Variants in WDR72 observed in about 807,000 individuals in gnomAD.
WDR72 encodes the protein WD repeat domain 72.
Under a neutral mutation model 124.2 loss-of-function variants are expected in WDR72, and 120 were observed. The ratio of observed to expected loss-of-function variants is 0.97; its 90% CI spans 0.83 to 1.12. The LOEUF (loss-of-function observed/expected upper bound fraction) is 1.12. Among genes scored for constraint, WDR72 ranks in the 50% most tolerant of loss-of-function variants. The pLI is 0.00. For synonymous variants in WDR72, 452 were observed against 441.7 expected, an observed-to-expected ratio of 1.02 and a Z score of -0.29; for missense variants, 1,387 against 1,278.8, an observed-to-expected ratio of 1.08 and a Z score of -1.29.
intron 7 of WDR72, 86 bp downstream of exon 7, chr15:53,712,686 T>C (rs1244537686): frequency 7.9e-7 from 1 of 1,273,302 alleles, no homozygotes; most frequent in African/African-American, 1.5e-5. Flanking sequence ...ATTTGTATCA[T>C]ATTTAAATCA....
chr15:53,614,811 T>A (rs916733301), intron 15 of WDR72, among the ~76,000 whole-genome samples: 1 of 151,978 alleles, frequency 6.6e-6, no homozygotes, highest in Non-Finnish European at 1.5e-5. Flanking sequence ...AAAAGCAAAG[T>A]GACTAGCCCA....
intron 2 of WDR72, among the ~76,000 whole-genome samples, chr15:53,731,968 ATACACT>A (rs2018215906): frequency 6.6e-6 from 1 of 152,240 alleles, no homozygotes; most frequent in African/African-American, 2.4e-5. Flanking sequence ...CCAGAAAATA[ATACACT>A]TAAACATTAA....
chr15:53,636,775 A>C (rs1566996561), intron 14 of WDR72, among the ~76,000 whole-genome samples: 1 of 152,238 alleles, frequency 6.6e-6, no homozygotes, highest in African/African-American at 2.4e-5. Context: ...ACTTGTCCAC[A>C]ATCACACAGG....
chr15:53,615,973 G>A lies in WDR72; in HGVS notation c.2233C>T (p.Pro745Ser), dbSNP rs949285279. Residue 745 changes from proline to serine, a missense_variant, in exon 15 of 20, where the codon CCT becomes TCT. Pro to Ser is a moderately conservative substitution (Grantham distance 74). Transcript: ENST00000360509. ...CCTTGGGCCAGGCTTTCAGTAATAG[G>A]CTTGGCTAGTGCCTCTGCTGAAAGA... ...GPLSAEALAK[P>S]ITESLAQGDN... The A allele has an allele frequency of 1.2e-5, 20 of 1,613,186 alleles. 1 individual carries two copies. In the South Asian group the frequency reaches 2.1e-4, roughly 17 times the overall value.
rs57976197 is a variant in WDR72 at position 53,727,226 on chromosome 15, T to TAAAA, written c.154-4322_154-4319dup. On this transcript the variant is annotated intron_variant, in intron 2 of 19. Coordinates refer to ENST00000360509, the MANE Select transcript of WDR72 (RefSeq NM_182758.4). Reference sequence around the variant, plus strand: ...CTGGGTGACAGAGTAAGACTCTGTCTAAAAAAAAAAAAAAAAAGACCAAAA... The same window carrying TAAAA: ...CTGGGTGACAGAGTAAGACTCTGTCTAAAAAAAAAAAAAAAAAAAAAGACCAAAA... 1.2e-4 allele frequency among the ~76,000 whole-genome samples: 15 copies of TAAAA among 125,720 alleles called. 1 individual carries two copies. Among genetic ancestry groups the TAAAA allele is most frequent in the African/African-American group, 4.4e-4 (14 of 31,940 alleles). The allele number at this position is 125,720 out of a possible 152,430, so 82.5% of individuals were successfully genotyped here.
chr15:53,522,773 C>T (rs182972901), intron 19 of WDR72, among the ~76,000 whole-genome samples: 9 of 152,182 alleles, frequency 5.9e-5, no homozygotes, highest in Non-Finnish European at 8.8e-5. Flanking sequence ...AAAATCCTGT[C>T]ATCCCAGTTA....
intron 18 of WDR72, 143 bp downstream of exon 18, chr15:53,596,936 A>G (rs2012805379): frequency 1.2e-6 from 1 of 802,750 alleles, no homozygotes; most frequent in Admixed American, 2.0e-5. Flanking sequence ...TAACCCCATC[A>G]TAAGTCAAGG....
intron 1 of WDR72, among the ~76,000 whole-genome samples, chr15:53,757,673 A>T (rs1335615463): frequency 6.6e-6 from 1 of 152,166 alleles, no homozygotes; most frequent in African/African-American, 2.4e-5. Flanking sequence ...AGAATTATTC[A>T]TAAAGGACAT....
At chr15:53,711,791 G>C (rs2140548216) in intron 7 of WDR72, among the ~76,000 whole-genome samples, 1 of 152,140 alleles carries the variant, frequency 6.6e-6, no homozygotes, top group East Asian at 1.9e-4. Flanking sequence ...TTTTACATTT[G>C]AAAATGTATT....
intron 14 of WDR72, among the ~76,000 whole-genome samples, chr15:53,645,789 T>C (rs2015020275): frequency 1.3e-5 from 2 of 152,146 alleles, no homozygotes. Flanking sequence ...CTTTAACCCA[T>C]TTGTGTTAGT....
chr15:53,761,167 G>T (rs1216066934), upstream of WDR72, among the ~76,000 whole-genome samples: 2 of 152,048 alleles, frequency 1.3e-5, no homozygotes, highest in African/African-American at 4.8e-5. Flanking sequence ...GACCCAAAAA[G>T]ACATTTTTCG....
chr15:53,714,425 C>A lies in WDR72; in HGVS notation c.591+9G>T. 1 of 1,612,226 alleles carries A rather than the reference C, an allele frequency of 6.2e-7. No individual in the cohort carries two copies. The highest frequency in any genetic ancestry group is 8.5e-7 in the Non-Finnish European group (1 of 1,178,790). Reference sequence around the variant, plus strand: ...TGTAAGGAAAAAAGAGTAGGGTTCCCAAGCCAACCTGAATGCTGTTGATAG... The same window carrying A: ...TGTAAGGAAAAAAGAGTAGGGTTCCAAAGCCAACCTGAATGCTGTTGATAG... On this transcript the variant is annotated intron_variant, in intron 6 of 19. Coordinates refer to ENST00000360509, the MANE Select transcript of WDR72 (RefSeq NM_182758.4).
intron 18 of WDR72, among the ~76,000 whole-genome samples, chr15:53,570,118 A>C (rs562549800): frequency 7.2e-5 from 11 of 152,148 alleles, no homozygotes; most frequent in African/African-American, 2.6e-4. Flanking sequence ...TCCAGTATAT[A>C]CTTTTTTAAA....
chr15:53,603,324 GAAGGAACAT>G (rs1401849286), intron 17 of WDR72, among the ~76,000 whole-genome samples: 4 of 152,092 alleles, frequency 2.6e-5, no homozygotes, highest in Non-Finnish European at 4.4e-5. Context: ...AGAAGATATT[GAAGGAACAT>G]ACTTCGAAAT....
chr15:53,753,716 C>T (rs1029208474), intron 1 of WDR72, among the ~76,000 whole-genome samples: 1 of 152,232 alleles, frequency 6.6e-6, no homozygotes, highest in Non-Finnish European at 1.5e-5. Context: ...TCTGTCTTCA[C>T]TATCCTTGCC....
chr15:53,644,103 G>C (rs547978231), intron 14 of WDR72, among the ~76,000 whole-genome samples: 1 of 152,184 alleles, frequency 6.6e-6, no homozygotes, highest in East Asian at 1.9e-4. Flanking sequence ...GTATCCATCA[G>C]CCTTGAAATC....
intron 14 of WDR72, 76 bp from the exon 15 acceptor site, chr15:53,616,319 AT>A (rs200652412): frequency 0.032 from 41,726 of 1,319,390 alleles, 731 homozygotes; most frequent in Non-Finnish European, 0.035. Context: ...TTAAAGTGGC[AT>A]TTTTAAAAAG....
chr15:53,638,057 G>C (rs1300673016), intron 14 of WDR72, among the ~76,000 whole-genome samples: 1 of 152,188 alleles, frequency 6.6e-6, no homozygotes, highest in Non-Finnish European at 1.5e-5. Flanking sequence ...ATGAATGCAT[G>C]AAATAGTACT....
At chr15:53,732,912 C>T in intron 2 of WDR72, 85 bp downstream of exon 2, 4 of 1,512,168 alleles carry the variant, frequency 2.6e-6, no homozygotes, top group East Asian at 2.3e-5. Flanking sequence ...TCATGCAAAC[C>T]TTCCACTGTC....
Sources: gnomAD v4.1 joint callset for allele counts (sites outside exome capture counted in the v4.1 genomes callset) on GRCh38, gnomAD v4.1.1 for gene constraint, MANE v1.5 for transcripts, NCBI Gene and HGNC (gene_info 2026-07-23, HGNC 2026-07-21) for gene names.